CUX2: variants seen among roughly 807,000 people sequenced by gnomAD.
CUX2 encodes the protein cut like homeobox 2, also known as homeobox protein cut-like 2.
Under a neutral mutation model 144.8 loss-of-function variants are expected in CUX2, and 40 were observed. The ratio of observed to expected loss-of-function variants is 0.28; its 90% confidence interval spans 0.21 to 0.36. CUX2 has a LOEUF of 0.36. Among genes scored for constraint, CUX2 ranks in the 10% least tolerant of loss-of-function variants. The pLI is 1.00. For synonymous variants in CUX2, 827 were observed against 875.6 expected (o/e 0.94, Z 0.98); for missense variants, 1,615 against 1,994.0 (o/e 0.81, Z 3.62).
At chr12:111,095,024 C>T (rs938072303) in intron 1 of CUX2, among the ~76,000 whole-genome samples, 6 of 152,158 alleles carry the variant, frequency 3.9e-5, no homozygotes, top group Admixed American at 3.9e-4. Context: ...GTGTCTGTCT[C>T]CTCCTATTTA....
intron 1 of CUX2, among the ~76,000 whole-genome samples, chr12:111,078,409 A>C (rs574036777): frequency 6.6e-6 from 1 of 152,266 alleles, no homozygotes; most frequent in Admixed American, 6.5e-5. Context: ...GCTTATGCCT[A>C]TAATCCCAGA....
At chr12:111,165,534 C>G (rs1479631825) in intron 1 of CUX2, among the ~76,000 whole-genome samples, 1 of 152,226 alleles carries the variant, frequency 6.6e-6, no homozygotes, top group Non-Finnish European at 1.5e-5. Flanking sequence ...CCACACAGAA[C>G]TGGACTCAAA....
intron 1 of CUX2, among the ~76,000 whole-genome samples, chr12:111,117,064 G>A (rs1445133404): frequency 6.6e-6 from 1 of 152,196 alleles, no homozygotes; most frequent in Non-Finnish European, 1.5e-5. Flanking sequence ...TCCTCTTAGA[G>A]GCATATGATC....
intron 1 of CUX2, among the ~76,000 whole-genome samples, chr12:111,127,444 T>C (rs1229157066): frequency 6.6e-6 from 1 of 151,976 alleles, no homozygotes; most frequent in Non-Finnish European, 1.5e-5. Flanking sequence ...TGTGGCCTAG[T>C]TGTCCAGTGA....
intron 1 of CUX2, among the ~76,000 whole-genome samples, chr12:111,151,599 G>A (rs1395229051): frequency 3.3e-5 from 5 of 152,214 alleles, no homozygotes; most frequent in East Asian, 1.9e-4. Context: ...GAGGGCAGAC[G>A]GCAGAGGAAG....
intron 14 of CUX2, among the ~76,000 whole-genome samples, chr12:111,308,751 C>G (rs889765496): frequency 9.2e-5 from 14 of 152,300 alleles, no homozygotes; most frequent in African/African-American, 3.1e-4. Flanking sequence ...TTCCAAGGCC[C>G]CCTAAAGAGC....
intron 1 of CUX2, among the ~76,000 whole-genome samples, chr12:111,201,032 G>C (rs1419958598): frequency 1.3e-5 from 2 of 152,110 alleles, no homozygotes; most frequent in Non-Finnish European, 2.9e-5. Flanking sequence ...AGCAGGCAGG[G>C]GACAAGCCTG....
In CUX2 at chr12:111,200,065, G is replaced by C. The variant is rs3809294; in HGVS notation, c.64-14135G>C. Among the ~76,000 whole-genome samples, 270 of 152,242 alleles carry C rather than the reference G, an allele frequency of 1.8e-3. 3 individuals are homozygous for C. The East Asian group carries it at 0.038, about 21-fold the overall frequency. On this transcript the variant is annotated intron_variant, in intron 1 of 21. Coordinates refer to ENST00000261726, the MANE Select transcript of CUX2 (RefSeq NM_015267.4). ...AGAGATAAAAGTCTCCTCGGGTTGC[G>C]GGGGAGAGAGCATTTGGAGAGAAAG...
In CUX2 at chr12:111,172,487, G is replaced by A. The variant is rs539395553; in HGVS notation, c.64-41713G>A. On this transcript the variant is annotated intron_variant, in intron 1 of 21. Coordinates refer to ENST00000261726, the MANE Select transcript of CUX2 (RefSeq NM_015267.4). The stretch of plus-strand genomic sequence containing the variant: ...GCAGTAACGAACAAATTATATCATC[G>A]TGGCTGCTTGTGGTGCTGGCCAACA... 3.3e-5 allele frequency among the ~76,000 whole-genome samples: 5 copies of A among 152,242 alleles called. No homozygotes were observed. The East Asian group carries it at 7.7e-4, about 23-fold the overall frequency.
rs901882802 is a variant in CUX2 at position 111,246,854 on chromosome 12, G to C, written c.223-16907G>C. On this transcript the variant is annotated intron_variant, in intron 3 of 21. Coordinates refer to ENST00000261726, the MANE Select transcript of CUX2 (RefSeq NM_015267.4). This position sits in a 1 kb window ranked among gnomAD's most constrained non-coding sequence, Gnocchi z 4.0. ...TGTGCCCTGCAGGGTACATGACTCCGTCCTTGACTGTCCCTCCTCAAAGCG... is the reference window on the plus strand; with the variant it reads ...TGTGCCCTGCAGGGTACATGACTCCCTCCTTGACTGTCCCTCCTCAAAGCG... Among the ~76,000 whole-genome samples the C allele has an allele frequency of 6.6e-6, 1 of 152,038 alleles. No individual in the cohort carries two copies. The highest frequency in any genetic ancestry group is 2.4e-5 in the African/African-American group (1 of 41,386).
chr12:111,330,565 G>A (rs1244129245), intron 18 of CUX2, among the ~76,000 whole-genome samples: 8 of 150,932 alleles, frequency 5.3e-5, no homozygotes, highest in Non-Finnish European at 1.2e-4. Flanking sequence ...CAGCCACAGT[G>A]ACCCATGCCT....
chr12:111,292,719 C>T (rs1274706253), intron 5 of CUX2, among the ~76,000 whole-genome samples: 1 of 152,116 alleles, frequency 6.6e-6, no homozygotes, highest in Non-Finnish European at 1.5e-5. Flanking sequence ...GGAGATTGGT[C>T]GTTGCCTAGG....
chr12:111,144,269 G>C (rs1876520171), intron 1 of CUX2, among the ~76,000 whole-genome samples: 1 of 152,186 alleles, frequency 6.6e-6, no homozygotes, highest in South Asian at 2.1e-4. Flanking sequence ...GGCATGAGAG[G>C]CTTAACTGAG....
intron 9 of CUX2, 22 bp downstream of exon 9, chr12:111,298,611 C>T: frequency 6.4e-7 from 1 of 1,557,094 alleles, no homozygotes; most frequent in South Asian, 1.2e-5. Flanking sequence ...CAGTTCCCAC[C>T]CGTGGGTGCC....
rs1463592930 is a variant in CUX2, at chr12:111,059,445, G to A, written c.63+25205G>A. Among the ~76,000 whole-genome samples the A allele has an allele frequency of 6.6e-6, 1 of 152,234 alleles. No homozygotes were observed. Among genetic ancestry groups the A allele is most frequent in the Non-Finnish European group, 1.5e-5 (1 of 68,034 alleles). ...AGATAGCCAGGCCAACTCCCAGTGA[G>A]GGGAGCAGGACTACTGCCTGATTCC... On this transcript the variant is annotated intron_variant, in intron 1 of 21. Coordinates refer to ENST00000261726, the MANE Select transcript of CUX2 (RefSeq NM_015267.4). This position sits in a 1 kb window ranked among gnomAD's most constrained non-coding sequence, Gnocchi z 5.3.
chr12:111,176,987 G>A (rs774633629), intron 1 of CUX2, among the ~76,000 whole-genome samples: 13 of 152,096 alleles, frequency 8.5e-5, no homozygotes, highest in Non-Finnish European at 1.3e-4. Flanking sequence ...CCCACTAGAC[G>A]CCAGTAGTAC....
rs1384144526 is a variant in CUX2, at chr12:111,312,532, C to G, written c.2002+331C>G. Among the ~76,000 whole-genome samples, 2 of 137,432 alleles carry G rather than the reference C, an allele frequency of 1.5e-5. No homozygotes were observed. The highest frequency in any genetic ancestry group is 3.0e-5 in the Non-Finnish European group (2 of 66,932). The allele number at this position is 137,432 out of a possible 152,430, so 90.2% of individuals were successfully genotyped here. On this transcript the variant is annotated intron_variant, in intron 16 of 21. Coordinates refer to ENST00000261726, the MANE Select transcript of CUX2 (RefSeq NM_015267.4). This position sits in a 1 kb window ranked among gnomAD's most constrained non-coding sequence, Gnocchi z 4.3. ...CCTGGCCAACATGGTAAAACCCCAT[C>G]TCTACTAAAAATACAAAATTACCTG...
rs146717325 is a variant in CUX2, at chr12:111,223,561, C to T, written c.222+5624C>T. ...ATAGCCTTTAGCCTACCTGCTGGCT[C>T]TCCCCACCACATCTCTCCAAACCCA... On this transcript the variant is annotated intron_variant, in intron 3 of 21. Transcript: ENST00000261726. 8.9e-4 allele frequency among the ~76,000 whole-genome samples: 135 copies of T among 152,346 alleles called. No homozygotes were observed. The East Asian group carries it at 9.5e-3, about 11-fold the overall frequency.
At position 111,034,879 on chromosome 12, in the gene CUX2, A is replaced by G. The variant is rs901729140; in HGVS notation, c.63+639A>G. 7.3e-5 allele frequency among the ~76,000 whole-genome samples: 11 copies of G among 149,700 alleles called. No homozygotes were observed. The highest frequency in any genetic ancestry group is 1.2e-4 in the African/African-American group (5 of 41,068). On this transcript the variant is annotated intron_variant, in intron 1 of 21. Transcript: ENST00000261726. This position sits in a 1 kb window ranked among gnomAD's most constrained non-coding sequence, Gnocchi z 4.2. ...CCCGGGGGCCGCCGCCGCCGCCGCC[A>G]GAGCCGCCGCCGCCGGACTGGCCGC...
Sources: allele counts gnomAD v4.1 joint callset (sites outside exome capture counted in the v4.1 genomes callset), GRCh38; gene constraint gnomAD v4.1.1; non-coding constraint Gnocchi (gnomAD v3.1); transcripts MANE v1.5; gene names NCBI Gene and HGNC (gene_info 2026-07-23, HGNC 2026-07-21).